The following NKAIN2 variants were observed in gnomAD, a reference collection of about 807,000 sequenced individuals.
NKAIN2 encodes the protein sodium/potassium-transporting ATPase subunit beta-1-interacting protein 2.
Under a neutral mutation model 32.6 loss-of-function variants are expected in NKAIN2, and 14 were observed. The observed-to-expected ratio is 0.43, with a 90% CI of 0.28 to 0.67. The LOEUF is 0.67. NKAIN2 is among the 30% of genes least tolerant of loss of function. The probability of loss-of-function intolerance (pLI) is 0.17; values close to 1 mark genes in which losing one functional copy is unlikely to be tolerated. For missense variants in NKAIN2, 198 were observed against 258.3 expected, an observed-to-expected ratio of 0.77 and a Z score of 1.60; for synonymous variants, 80 against 87.2, an observed-to-expected ratio of 0.92 and a Z score of 0.46.
chr6:124,600,056 G>T (rs1385084860), intron 3 of NKAIN2, among the ~76,000 whole-genome samples: 1 of 152,042 alleles, frequency 6.6e-6, no homozygotes, highest in Non-Finnish European at 1.5e-5. Flanking sequence ...GAAAGTCTGG[G>T]CCACTGAGAG....
At chr6:124,744,647 T>A (rs962333426) in intron 4 of NKAIN2, among the ~76,000 whole-genome samples, 2 of 151,770 alleles carry the variant, frequency 1.3e-5, no homozygotes, top group African/African-American at 4.8e-5. Flanking sequence ...CGAAAGTAAG[T>A]ACATTTATTA....
intron 1 of NKAIN2, among the ~76,000 whole-genome samples, chr6:123,804,581 CACCT>C (rs1773136155): frequency 1.3e-5 from 2 of 152,194 alleles, no homozygotes; most frequent in African/African-American, 4.8e-5. Context: ...ACGTGATTGT[CACCT>C]ACAATTTACC....
At chr6:124,051,988 A>G (rs1782427365) in intron 1 of NKAIN2, among the ~76,000 whole-genome samples, 1 of 152,084 alleles carries the variant, frequency 6.6e-6, no homozygotes, top group Non-Finnish European at 1.5e-5. Flanking sequence ...GGGAGGGGCC[A>G]AGAAGCAGAC....
In NKAIN2 at chr6:123,876,193, A is replaced by G. The variant is rs565488517; in HGVS notation, c.54+71939A>G. ...CTCAGAAGTCTGTCTGCTCATACATATCTGCAACCGAAAAATATACAATAT... is the reference window on the plus strand; with the variant it reads ...CTCAGAAGTCTGTCTGCTCATACATGTCTGCAACCGAAAAATATACAATAT... On this transcript the variant is annotated intron_variant, in intron 1 of 6. Transcript: ENST00000368417. Among the ~76,000 whole-genome samples, 12 of 152,244 alleles carry G rather than the reference A, an allele frequency of 7.9e-5. No individual in the cohort carries two copies. The South Asian group carries it at 2.5e-3, about 32-fold the overall frequency.
intron 4 of NKAIN2, among the ~76,000 whole-genome samples, chr6:124,667,333 AT>A (rs1772853280): frequency 6.6e-6 from 1 of 152,166 alleles, no homozygotes; most frequent in Non-Finnish European, 1.5e-5. Flanking sequence ...AAAAGTTGAA[AT>A]TGTTTGCATA....
chr6:124,483,338 A>G (rs1164986443), intron 3 of NKAIN2, among the ~76,000 whole-genome samples: 2 of 152,180 alleles, frequency 1.3e-5, no homozygotes, highest in Admixed American at 6.5e-5. Context: ...ACATTTTGCT[A>G]AGAGATAATC....
intron 1 of NKAIN2, among the ~76,000 whole-genome samples, chr6:123,953,887 T>C (rs1777440624): frequency 6.6e-6 from 1 of 152,170 alleles, no homozygotes; most frequent in Non-Finnish European, 1.5e-5. Context: ...AGCAGGAGTA[T>C]ACAGGTGGCT....
At chr6:124,723,553 T>G (rs1583725141) in intron 4 of NKAIN2, among the ~76,000 whole-genome samples, 3 of 152,204 alleles carry the variant, frequency 2.0e-5, no homozygotes, top group African/African-American at 7.2e-5. Flanking sequence ...TTCTGCAGGG[T>G]AGACAGTGCC....
At chr6:124,508,938 G>T (rs1189268269) in intron 3 of NKAIN2, among the ~76,000 whole-genome samples, 3 of 152,084 alleles carry the variant, frequency 2.0e-5, no homozygotes, top group Non-Finnish European at 4.4e-5. Flanking sequence ...AGTCATATTG[G>T]ATTAAGGGTC....
At position 124,412,500 on chromosome 6, in the gene NKAIN2, A is replaced by G. The variant is rs370656733; in HGVS notation, c.273+57153A>G. The stretch of plus-strand genomic sequence containing the variant: ...GCTGCAGAACAGCGGATATTGGTGA[A>G]CCGCAAATGCTGCTGCCTGATTGTT... On this transcript the variant is annotated intron_variant, in intron 3 of 6. Transcript: ENST00000368417. 2.0e-5 allele frequency among the ~76,000 whole-genome samples: 3 copies of G among 152,212 alleles called. No homozygotes were observed. In the East Asian group the frequency reaches 5.8e-4, roughly 29 times the overall value.
chr6:123,846,102 G>T (rs1775077694), intron 1 of NKAIN2, among the ~76,000 whole-genome samples: 1 of 151,974 alleles, frequency 6.6e-6, no homozygotes, highest in South Asian at 2.1e-4. Context: ...TTCTAACCAT[G>T]CAGGAGCTAT....
At chr6:124,319,141 CA>C in intron 2 of NKAIN2, among the ~76,000 whole-genome samples, 1 of 152,020 alleles carries the variant, frequency 6.6e-6, no homozygotes, top group East Asian at 1.9e-4. Context: ...TAATAAGCCT[CA>C]GTAAACCCAT....
chr6:123,817,793 T>C (rs1483839594), intron 1 of NKAIN2, among the ~76,000 whole-genome samples: 1 of 151,960 alleles, frequency 6.6e-6, no homozygotes, highest in Non-Finnish European at 1.5e-5. Context: ...AAAAACAGGA[T>C]GAAAGTAAAA....
chr6:123,875,406 T>C (rs1397549723), intron 1 of NKAIN2, among the ~76,000 whole-genome samples: 1 of 152,044 alleles, frequency 6.6e-6, no homozygotes, highest in Non-Finnish European at 1.5e-5. Context: ...CTTACTTTGA[T>C]TATTGGTGAG....
chr6:123,990,498 G>C (rs1404221575), intron 1 of NKAIN2, among the ~76,000 whole-genome samples: 1 of 152,112 alleles, frequency 6.6e-6, no homozygotes, highest in Non-Finnish European at 1.5e-5. Flanking sequence ...TGTAAGACTA[G>C]TGCTGTTGTG....
chr6:124,014,172 G>C (rs1393833383), intron 1 of NKAIN2, among the ~76,000 whole-genome samples: 2 of 152,016 alleles, frequency 1.3e-5, no homozygotes, highest in Non-Finnish European at 2.9e-5. Context: ...ATGAGTAATA[G>C]AAAGCTTTTC....
intron 3 of NKAIN2, among the ~76,000 whole-genome samples, chr6:124,462,681 AT>A (rs984310658): frequency 1.3e-5 from 2 of 151,976 alleles, no homozygotes; most frequent in Non-Finnish European, 1.5e-5. Context: ...TTTTTAAAGT[AT>A]TTTTTTACTT....
intron 4 of NKAIN2, among the ~76,000 whole-genome samples, chr6:124,780,684 AT>A (rs1779223248): frequency 6.6e-6 from 1 of 152,116 alleles, no homozygotes; most frequent in South Asian, 2.1e-4. Flanking sequence ...TATCGTTTAG[AT>A]TTTCAAGCTC....
chr6:124,117,554 A>T (rs1785673220), intron 1 of NKAIN2, among the ~76,000 whole-genome samples: 1 of 152,104 alleles, frequency 6.6e-6, no homozygotes. Context: ...TAAGGCATAT[A>T]CTCTGTCCTA....
Sources: allele counts gnomAD v4.1 joint callset (sites outside exome capture counted in the v4.1 genomes callset), GRCh38; gene constraint gnomAD v4.1.1; transcripts MANE v1.5; gene names NCBI Gene and HGNC (gene_info 2026-07-23, HGNC 2026-07-21).